The following NRG3 variants were observed in gnomAD, a reference collection of about 807,000 sequenced individuals.
NRG3 encodes the protein neuregulin 3, also known as pro-neuregulin-3, membrane-bound isoform.
In NRG3, 31 loss-of-function variants were observed where a neutral mutation model predicts 66.9. That is an observed-to-expected ratio of 0.46 (90% CI 0.35 to 0.63). The LOEUF (loss-of-function observed/expected upper bound fraction) is 0.63, where lower values mean the gene tolerates loss of function less well. Among genes scored for constraint, NRG3 ranks in the 20% least tolerant of loss-of-function variants. NRG3 has a pLI of 0.00. For synonymous variants in NRG3, 393 were observed against 359.4 expected (o/e 1.09, Z -1.06); for missense variants, 910 against 878.9 (o/e 1.04, Z -0.45).
Position 82,624,176 on chromosome 10 carries a change from G to C in NRG3, c.954-114401G>C, listed in dbSNP as rs772586893. 9.0e-4 allele frequency among the ~76,000 whole-genome samples: 137 copies of C among 152,118 alleles called. 1 individual carries two copies. In the Middle Eastern group the frequency reaches 0.01, roughly 11 times the overall value. On this transcript the variant is annotated intron_variant, in intron 2 of 8. Coordinates refer to ENST00000372141, the MANE Select transcript of NRG3 (RefSeq NM_001010848.4). ...TTTAAATGAGATAATATTCATAAAA[G>C]CCCTCCAGCAGTTAATATGTGTATT...
At chr10:82,107,288 G>C (rs187808676) in intron 1 of NRG3, among the ~76,000 whole-genome samples, 7 of 152,258 alleles carry the variant, frequency 4.6e-5, no homozygotes, top group Admixed American at 1.3e-4. Flanking sequence ...TTTAGATTAG[G>C]ATGATTCAAC....
In NRG3 at chr10:82,736,388, A is replaced by AT. The variant is rs530432118; in HGVS notation, c.954-2184dup. Among the ~76,000 whole-genome samples the AT allele has an allele frequency of 1.8e-3, 278 of 152,334 alleles. 1 individual carries two copies. Among genetic ancestry groups the AT allele is most frequent in the African/African-American group, 6.4e-3 (268 of 41,578 alleles). ...AACTTATCAAGGTGACATATGTGTG[A>AT]TTTTTAATGGAAATTTTACTTTGTT... is the stretch of plus-strand genomic sequence containing the variant. On this transcript the variant is annotated intron_variant, in intron 2 of 8. Coordinates refer to ENST00000372141, the MANE Select transcript of NRG3 (RefSeq NM_001010848.4).
chr10:82,567,826 A>T (rs1050990908), intron 2 of NRG3, among the ~76,000 whole-genome samples: 1 of 151,830 alleles, frequency 6.6e-6, no homozygotes, highest in African/African-American at 2.4e-5. Flanking sequence ...GAAGGCCCTC[A>T]TATTTCATCT....
At chr10:82,655,070 G>T (rs2133918826) in intron 2 of NRG3, among the ~76,000 whole-genome samples, 1 of 151,674 alleles carries the variant, frequency 6.6e-6, no homozygotes, top group South Asian at 2.1e-4. Flanking sequence ...AATAAAATGG[G>T]TTTTTCATTT....
chr10:82,329,519 T>A (rs1320688292), intron 1 of NRG3, among the ~76,000 whole-genome samples: 2 of 151,628 alleles, frequency 1.3e-5, no homozygotes, highest in African/African-American at 4.8e-5. Flanking sequence ...TGGGACAGAT[T>A]GAAATAAGAA....
chr10:82,541,845 T>A (rs1392884286), intron 2 of NRG3, among the ~76,000 whole-genome samples: 3 of 152,106 alleles, frequency 2.0e-5, no homozygotes, highest in African/African-American at 7.2e-5. Context: ...GTAAGAAAAA[T>A]TTGTGTTCTA....
chr10:82,902,596 G>C (rs191543553), intron 4 of NRG3, among the ~76,000 whole-genome samples: 2 of 151,896 alleles, frequency 1.3e-5, no homozygotes, highest in Non-Finnish European at 2.9e-5. Context: ...AATCTTCAGG[G>C]CCTAATAACT....
chr10:82,879,546 C>T (rs1842119411), intron 4 of NRG3, among the ~76,000 whole-genome samples: 1 of 148,886 alleles, frequency 6.7e-6, no homozygotes, highest in East Asian at 2.0e-4. Context: ...GATCTCGGCT[C>T]ACTGCAAGCT....
intron 1 of NRG3, among the ~76,000 whole-genome samples, chr10:81,976,028 T>TA (rs1198058778): frequency 6.6e-6 from 1 of 152,184 alleles, no homozygotes; most frequent in Non-Finnish European, 1.5e-5. Flanking sequence ...TTAACTCTGT[T>TA]ACAACCTGAT....
At chr10:81,892,320 T>A (rs942269499) in intron 1 of NRG3, among the ~76,000 whole-genome samples, 1 of 151,970 alleles carries the variant, frequency 6.6e-6, no homozygotes, top group Non-Finnish European at 1.5e-5. Context: ...TATATATACA[T>A]ATTCCAAAAA....
chr10:82,827,631 T>G (rs1404302079), intron 3 of NRG3, among the ~76,000 whole-genome samples: 3 of 152,186 alleles, frequency 2.0e-5, no homozygotes, highest in Non-Finnish European at 4.4e-5. Context: ...TTTGATGTTT[T>G]TAAAGATTAA....
chr10:82,523,563 T>C (rs927976219), intron 2 of NRG3, among the ~76,000 whole-genome samples: 1 of 152,164 alleles, frequency 6.6e-6, no homozygotes, highest in African/African-American at 2.4e-5. Context: ...CTTTTTTTAA[T>C]TGGGTTATTT....
At chr10:82,608,888 C>T (rs1271250080) in intron 2 of NRG3, among the ~76,000 whole-genome samples, 1 of 152,076 alleles carries the variant, frequency 6.6e-6, no homozygotes, top group African/African-American at 2.4e-5. Context: ...AATGTATCAC[C>T]CCTCCCCCTC....
intron 1 of NRG3, among the ~76,000 whole-genome samples, chr10:82,030,688 T>G: frequency 7.1e-6 from 1 of 141,838 alleles, no homozygotes; most frequent in Non-Finnish European, 1.5e-5. Context: ...CCAACAGAAA[T>G]GTCTAATTTG....
intron 2 of NRG3, among the ~76,000 whole-genome samples, chr10:82,540,008 A>G (rs1039801943): frequency 5.3e-5 from 8 of 152,096 alleles, no homozygotes; most frequent in Non-Finnish European, 1.0e-4. Flanking sequence ...CTTTGTAGAG[A>G]AACTTTGAAA....
At chr10:82,602,022 G>A (rs1161960335) in intron 2 of NRG3, among the ~76,000 whole-genome samples, 1 of 151,104 alleles carries the variant, frequency 6.6e-6, no homozygotes, top group African/African-American at 2.4e-5. Context: ...GTTGGAAGCT[G>A]CAGTGAGCTA....
chr10:82,191,438 T>C (rs1028917322), intron 1 of NRG3, among the ~76,000 whole-genome samples: 4 of 152,138 alleles, frequency 2.6e-5, no homozygotes, highest in Non-Finnish European at 5.9e-5. Flanking sequence ...TTCATCTCCT[T>C]TCCCACTGTT....
intron 1 of NRG3, among the ~76,000 whole-genome samples, chr10:82,327,455 A>G (rs1029574636): frequency 6.6e-6 from 1 of 152,180 alleles, no homozygotes; most frequent in African/African-American, 2.4e-5. Flanking sequence ...TGCTTTATCT[A>G]TCTATCTTAT....
At chr10:82,242,230 G>C (rs1247109811) in intron 1 of NRG3, among the ~76,000 whole-genome samples, 1 of 152,028 alleles carries the variant, frequency 6.6e-6, no homozygotes, top group Non-Finnish European at 1.5e-5. Context: ...ATGCCCCCCA[G>C]TTTTGTTTGT....
Sources: gnomAD v4.1 joint callset for allele counts (sites outside exome capture counted in the v4.1 genomes callset) on GRCh38, gnomAD v4.1.1 for gene constraint, MANE v1.5 for transcripts, NCBI Gene and HGNC (gene_info 2026-07-23, HGNC 2026-07-21) for gene names.